SS18: variants seen among roughly 807,000 people sequenced by gnomAD.
SS18 encodes the protein protein SSXT.
SS18 carries 28 observed loss-of-function variants against 72.5 expected under a neutral mutation model. That is an observed-to-expected ratio of 0.39 (90% CI 0.29 to 0.53). The LOEUF (loss-of-function observed/expected upper bound fraction) is 0.53. SS18 is among the 20% of genes least tolerant of loss of function. The probability of loss-of-function intolerance (pLI) is 0.76; values close to 1 mark genes in which losing one functional copy is unlikely to be tolerated. For missense variants in SS18, 518 were observed against 535.3 expected, an observed-to-expected ratio of 0.97 and a Z score of 0.32; for synonymous variants, 172 against 164.2, an observed-to-expected ratio of 1.05 and a Z score of -0.37.
chr18:26,085,893 G>A (rs979194256), intron 2 of SS18: 5 of 152,172 alleles, frequency 3.3e-5, no homozygotes, highest in African/African-American at 1.2e-4. Flanking sequence ...CAAGGGCCAA[G>A]GTTGGTGGGA....
intron 1 of SS18, 60 bp downstream of exon 1, chr18:26,090,441 C>T: frequency 1.3e-6 from 2 of 1,520,146 alleles, no homozygotes; most frequent in South Asian, 1.2e-5. Context: ...CCCTTCCCCC[C>T]GCGTCTGTCT....
rs1567992782 is a variant in SS18, at chr18:26,032,429, TGGCTGTGGTGGTCCA to T, written c.1185_1199del (p.Gly396_Pro400del). ...CATATCCATAAGGCCTCTGCTGGGG[TGGCTGTGGTGGTCCA>T]GGCTGTGTTGGTCTATATCCTCCAT... On this transcript the variant is annotated inframe_deletion, in exon 10 of 11. Transcript: ENST00000415083. The T allele has an allele frequency of 3.1e-6, 5 of 1,613,674 alleles. No homozygotes were observed. The highest frequency in any genetic ancestry group is 4.2e-6 in the Non-Finnish European group (5 of 1,179,828).
chr18:26,066,971 ATTGAG>A (rs971309140), intron 3 of SS18, among the ~76,000 whole-genome samples: 1 of 152,206 alleles, frequency 6.6e-6, no homozygotes, highest in Non-Finnish European at 1.5e-5. Flanking sequence ...TAAAATAACT[ATTGAG>A]TTGTCTTTCA....
intron 2 of SS18, among the ~76,000 whole-genome samples, chr18:26,079,742 G>A (rs565077055): frequency 2.6e-5 from 4 of 151,888 alleles, no homozygotes; most frequent in South Asian, 4.2e-4. Context: ...ACCACCACAC[G>A]GTGCTAAATT....
At chr18:26,089,228 G>T (rs1032065626) in intron 1 of SS18, among the ~76,000 whole-genome samples, 4 of 151,562 alleles carry the variant, frequency 2.6e-5, no homozygotes, top group African/African-American at 9.7e-5. Context: ...AAAAAAAAAA[G>T]AAAAACTCTG....
At chr18:26,023,668 CAAAAT>C in intron 10 of SS18, 1 of 522,844 alleles carries the variant, frequency 1.9e-6, no homozygotes, top group East Asian at 4.0e-5. Context: ...AAAATAAAGG[CAAAAT>C]AAACATTTTT....
At chr18:26,078,041 G>A in intron 3 of SS18, 35 bp downstream of exon 3, 1 of 1,494,144 alleles carries the variant, frequency 6.7e-7, no homozygotes, top group African/African-American at 1.4e-5. Context: ...TAACTATAAA[G>A]ATTGTCTACT....
upstream of SS18, chr18:26,091,179 T>A (rs2054722201): frequency 6.5e-6 from 1 of 152,880 alleles, no homozygotes; most frequent in South Asian, 2.0e-4. Context: ...TTCGTGCAAA[T>A]CCGTGGAGCA....
At chr18:26,084,353 T>A (rs867238803) in intron 2 of SS18, among the ~76,000 whole-genome samples, 2 of 152,216 alleles carry the variant, frequency 1.3e-5, no homozygotes, top group Admixed American at 6.5e-5. Context: ...GATTTAGTCA[T>A]CATTTGGTAA....
intron 9 of SS18, among the ~76,000 whole-genome samples, chr18:26,033,098 T>A (rs991346930): frequency 6.6e-6 from 1 of 152,216 alleles, no homozygotes; most frequent in Non-Finnish European, 1.5e-5. Context: ...GTGAAAAAAC[T>A]TGATTCAAAA....
At chr18:26,023,265 A>G (rs907936294) in intron 10 of SS18, among the ~76,000 whole-genome samples, 3 of 152,248 alleles carry the variant, frequency 2.0e-5, no homozygotes, top group Admixed American at 1.3e-4. Context: ...TTTGTATTCC[A>G]TATGTTCAAA....
chr18:26,071,047 G>A (rs190580245), intron 3 of SS18, among the ~76,000 whole-genome samples: 17 of 152,182 alleles, frequency 1.1e-4, no homozygotes, highest in Non-Finnish European at 2.4e-4. Context: ...TGGAAAACTG[G>A]TCAGAAAAAA....
intron 2 of SS18, 105 bp from the exon 3 acceptor site, chr18:26,078,265 T>C: frequency 4.2e-6 from 3 of 720,276 alleles, no homozygotes; most frequent in South Asian, 2.1e-5. Context: ...AAAAATTTGT[T>C]ACCCGAACAT....
intron 1 of SS18, 125 bp downstream of exon 1, chr18:26,090,376 C>T (rs1160917774): frequency 1.1e-6 from 1 of 946,782 alleles, no homozygotes; most frequent in African/African-American, 1.6e-5. Flanking sequence ...TTCCCAAACA[C>T]TGCTGATTCC....
At chr18:26,065,480 G>A (rs1011811284) in intron 3 of SS18, among the ~76,000 whole-genome samples, 1 of 151,836 alleles carries the variant, frequency 6.6e-6, no homozygotes, top group Non-Finnish European at 1.5e-5. Flanking sequence ...ACTATCACAT[G>A]GCGAAAAGAA....
At chr18:26,037,087 A>G (rs2053638744) in intron 7 of SS18, among the ~76,000 whole-genome samples, 1 of 152,162 alleles carries the variant, frequency 6.6e-6, no homozygotes, top group South Asian at 2.1e-4. Flanking sequence ...TTGTTTACAA[A>G]TATTAATTGT....
chr18:26,031,013 G>A (rs890348035), intron 10 of SS18, among the ~76,000 whole-genome samples: 2 of 152,148 alleles, frequency 1.3e-5, no homozygotes, highest in East Asian at 1.9e-4. Flanking sequence ...ACCTCCGTAG[G>A]ACCTACTGCA....
intron 4 of SS18, among the ~76,000 whole-genome samples, chr18:26,053,631 T>C (rs1209465762): frequency 3.3e-5 from 5 of 151,934 alleles, no homozygotes; most frequent in Non-Finnish European, 7.4e-5. Context: ...CCACCACCAG[T>C]AAAAGAATGG....
intron 3 of SS18, among the ~76,000 whole-genome samples, chr18:26,077,750 A>G (rs934845523): frequency 2.0e-5 from 3 of 152,172 alleles, no homozygotes; most frequent in African/African-American, 7.2e-5. Flanking sequence ...ATGGAAATAC[A>G]GTATTTACTG....
Sources: gnomAD v4.1 joint callset for allele counts (sites outside exome capture counted in the v4.1 genomes callset) on GRCh38, gnomAD v4.1.1 for gene constraint, MANE v1.5 for transcripts, NCBI Gene and HGNC (gene_info 2026-07-23, HGNC 2026-07-21) for gene names.